Variants in AKAP7 observed in about 807,000 individuals in gnomAD.
AKAP7 encodes the protein A-kinase anchoring protein 7, also known as A kinase (PRKA) anchor protein 7.
A neutral mutation model predicts 39.5 loss-of-function variants in AKAP7; 39 were observed. The observed-to-expected ratio is 0.99, with a 90% confidence interval of 0.76 to 1.29. AKAP7 has a LOEUF of 1.29. AKAP7 is among the 50% of genes most tolerant of loss of function. The pLI is 0.00. For synonymous variants in AKAP7, 140 were observed against 139.1 expected, an observed-to-expected ratio of 1.01 and a Z score of -0.05; for missense variants, 414 against 407.7, an observed-to-expected ratio of 1.02 and a Z score of -0.13.
intron 7 of AKAP7, among the ~76,000 whole-genome samples, chr6:131,267,483 A>T (rs1477601039): frequency 6.6e-6 from 1 of 152,198 alleles, no homozygotes; most frequent in African/African-American, 2.4e-5. Context: ...CTGGAAGTGC[A>T]ATTTGATCAT....
chr6:131,219,911 A>G (rs990503209), intron 7 of AKAP7, 103 bp downstream of exon 7: 6 of 774,002 alleles, frequency 7.8e-6, no homozygotes, highest in Middle Eastern at 4.0e-4. Context: ...GTTTTTCTCA[A>G]TGATATACTT....
At chr6:131,220,289 G>C (rs1241459932) in intron 7 of AKAP7, among the ~76,000 whole-genome samples, 1 of 152,160 alleles carries the variant, frequency 6.6e-6, no homozygotes, top group Non-Finnish European at 1.5e-5. Flanking sequence ...GTTTTGAGGG[G>C]AGGCATAAGG....
chr6:131,157,547 A>C (rs553467588), intron 2 of AKAP7, among the ~76,000 whole-genome samples: 2 of 152,216 alleles, frequency 1.3e-5, no homozygotes. Flanking sequence ...AGTTAGATGT[A>C]GGACCTTTTC....
chr6:131,165,759 A>G (rs1055203868), intron 4 of AKAP7, among the ~76,000 whole-genome samples: 2 of 152,028 alleles, frequency 1.3e-5, no homozygotes, highest in African/African-American at 2.4e-5. Context: ...CCCCCATGCC[A>G]GGGTTCTGCC....
At chr6:131,279,990 G>T (rs552695188) in intron 7 of AKAP7, among the ~76,000 whole-genome samples, 59 of 152,182 alleles carry the variant, frequency 3.9e-4, no homozygotes, top group Non-Finnish European at 7.1e-4. Context: ...TAAATATTAG[G>T]CAATATATTC....
intron 1 of AKAP7, among the ~76,000 whole-genome samples, chr6:131,138,476 G>A (rs1800765279): frequency 6.6e-6 from 1 of 152,172 alleles, no homozygotes; most frequent in Admixed American, 6.5e-5. Context: ...AAATAAAGCT[G>A]TGGTGAATCT....
At chr6:131,178,577 C>T (rs1182688654) in intron 5 of AKAP7, among the ~76,000 whole-genome samples, 1 of 152,194 alleles carries the variant, frequency 6.6e-6, no homozygotes, top group East Asian at 1.9e-4. Flanking sequence ...GACAACTTCC[C>T]ATTCTAGTTG....
chr6:131,281,399 C>T lies in AKAP7; in HGVS notation c.851-131C>T, dbSNP rs1815179296. On this transcript the variant is annotated intron_variant, in intron 7 of 7. Coordinates refer to ENST00000431975, the MANE Select transcript of AKAP7 (RefSeq NM_016377.4). The surrounding 1 kb of genome is among the most constrained non-coding windows in gnomAD (Gnocchi z 4.0). ...TGCAAATACCAAATGAAAAGCCAAC[C>T]CACTGTTCTTGAATTTATAGATCCA... The T allele has an allele frequency of 4.5e-6, 3 of 659,870 alleles. No individual in the cohort carries two copies. The South Asian group carries it at 1.1e-4, about 23-fold the overall frequency. The allele number at this position is 659,870 out of a possible 1,614,324, so 40.9% of individuals were successfully genotyped here.
intron 7 of AKAP7, among the ~76,000 whole-genome samples, chr6:131,260,714 G>C (rs573072365): frequency 1.3e-5 from 2 of 152,192 alleles, no homozygotes; most frequent in Middle Eastern, 6.8e-3. Flanking sequence ...CCCTTGGTCA[G>C]ATGGATAGAT....
chr6:131,276,119 C>G (rs1814720254), intron 7 of AKAP7, among the ~76,000 whole-genome samples: 2 of 152,214 alleles, frequency 1.3e-5, no homozygotes, highest in African/African-American at 4.8e-5. Flanking sequence ...TTTGTACATA[C>G]AGCAACATCA....
intron 6 of AKAP7, among the ~76,000 whole-genome samples, chr6:131,210,809 A>C (rs200459213): frequency 6.6e-6 from 1 of 152,164 alleles, no homozygotes. Context: ...ACCTTTGGCA[A>C]CAGCCTCTCC....
intron 6 of AKAP7, among the ~76,000 whole-genome samples, chr6:131,201,604 C>T (rs1405891603): frequency 6.6e-6 from 1 of 151,928 alleles, no homozygotes; most frequent in East Asian, 1.9e-4. Flanking sequence ...TAATTAGATC[C>T]CATTTGTCAA....
At chr6:131,178,933 G>T (rs1255142845) in intron 5 of AKAP7, among the ~76,000 whole-genome samples, 7 of 151,864 alleles carry the variant, frequency 4.6e-5, no homozygotes, top group South Asian at 2.1e-4. Context: ...ACTTGAACTT[G>T]CTTCTTACAG....
intron 5 of AKAP7, among the ~76,000 whole-genome samples, chr6:131,173,868 G>A (rs1415089660): frequency 6.6e-6 from 1 of 152,182 alleles, no homozygotes; most frequent in Non-Finnish European, 1.5e-5. Context: ...TTCACTGGGT[G>A]CTTGCAACAT....
intron 5 of AKAP7, among the ~76,000 whole-genome samples, chr6:131,178,452 C>A (rs147750837): frequency 1.0e-3 from 155 of 152,340 alleles, no homozygotes; most frequent in African/African-American, 3.3e-3. Flanking sequence ...GCCATCACAG[C>A]TGTTGCTTTT....
intron 5 of AKAP7, among the ~76,000 whole-genome samples, chr6:131,180,017 G>A (rs1335321769): frequency 6.6e-6 from 1 of 152,178 alleles, no homozygotes; most frequent in Non-Finnish European, 1.5e-5. Flanking sequence ...CAGAGCCTTG[G>A]CTCGGCAGGT....
rs192072342 is a variant in AKAP7, at chr6:131,157,976, G to A, written c.152-2083G>A. 3.3e-5 allele frequency among the ~76,000 whole-genome samples: 5 copies of A among 152,224 alleles called. No homozygotes were observed. In the East Asian group the frequency reaches 9.6e-4, roughly 29 times the overall value. ...CATTTTGTAGGTCTTACAAATATATGTTGTGGAAAGAAAACATATCTATTT... is the reference window on the plus strand; with the variant it reads ...CATTTTGTAGGTCTTACAAATATATATTGTGGAAAGAAAACATATCTATTT... On this transcript the variant is annotated intron_variant, in intron 2 of 7. Transcript: ENST00000431975.
intron 7 of AKAP7, among the ~76,000 whole-genome samples, chr6:131,228,128 A>G (rs1476028709): frequency 3.3e-5 from 5 of 152,260 alleles, no homozygotes; most frequent in African/African-American, 9.6e-5. Flanking sequence ...GCCCAGTTTT[A>G]GTATGTAGGC....
At chr6:131,200,232 C>CCGCAGAAGT (rs1358951439) in intron 6 of AKAP7, among the ~76,000 whole-genome samples, 3 of 152,178 alleles carry the variant, frequency 2.0e-5, no homozygotes, top group Admixed American at 6.5e-5. Context: ...CCCCTTCTTC[C>CCGCAGAAGT]CGCAGAAGTC....
Sources: allele counts gnomAD v4.1 joint callset (sites outside exome capture counted in the v4.1 genomes callset), GRCh38; gene constraint gnomAD v4.1.1; non-coding constraint Gnocchi (gnomAD v3.1); transcripts MANE v1.5; gene names NCBI Gene and HGNC (gene_info 2026-07-23, HGNC 2026-07-21).